The following BMERB1 variants were observed in gnomAD, a reference collection of about 807,000 sequenced individuals.
BMERB1 encodes the protein bMERB domain containing 1, also known as bMERB domain-containing protein 1.
Under a neutral mutation model 23.6 loss-of-function variants are expected in BMERB1, and 12 were observed. The observed-to-expected ratio is 0.51, with a 90% CI of 0.33 to 0.82. BMERB1 has a LOEUF of 0.82. Among genes scored for constraint, BMERB1 ranks in the 40% least tolerant of loss-of-function variants. The probability of loss-of-function intolerance (pLI) is 0.03; values close to 1 mark genes in which losing one functional copy is unlikely to be tolerated. For synonymous variants in BMERB1, 122 were observed against 96.6 expected (o/e 1.26, Z -1.54); for missense variants, 247 against 255.4 (o/e 0.97, Z 0.22).
chr16:15,498,453 G>A (rs1202774248), intron 1 of BMERB1, among the ~76,000 whole-genome samples: 1 of 152,066 alleles, frequency 6.6e-6, no homozygotes, highest in East Asian at 1.9e-4. Context: ...GAGCCCAGAA[G>A]CTTGAGGATG....
intron 1 of BMERB1, among the ~76,000 whole-genome samples, chr16:15,471,995 G>C (rs1175033846): frequency 1.3e-5 from 2 of 152,110 alleles, no homozygotes; most frequent in African/African-American, 2.4e-5. Flanking sequence ...TTTAAGTTTT[G>C]TTTTAGAATT....
At chr16:15,486,024 C>G (rs2051365487) in intron 1 of BMERB1, among the ~76,000 whole-genome samples, 1 of 151,934 alleles carries the variant, frequency 6.6e-6, no homozygotes, top group Admixed American at 6.6e-5. Context: ...GGTGGATCAC[C>G]TGAGGTCAGG....
chr16:15,439,370 A>G lies in BMERB1; in HGVS notation c.106+4611A>G, dbSNP rs573217274. Among the ~76,000 whole-genome samples the G allele has an allele frequency of 3.5e-3, 539 of 152,238 alleles. 4 individuals carry two copies. Among genetic ancestry groups the G allele is most frequent in the African/African-American group, 0.012 (510 of 41,554 alleles). On this transcript the variant is annotated intron_variant, in intron 1 of 5. Transcript: ENST00000300006. ...TGGAAGATTAGATGAGATAATGTATATAATGCATTTAGCACAGGGCCTCAC... is the reference window on the plus strand; with the variant it reads ...TGGAAGATTAGATGAGATAATGTATGTAATGCATTTAGCACAGGGCCTCAC...
At chr16:15,535,923 A>G (rs1177113803) in intron 2 of BMERB1, among the ~76,000 whole-genome samples, 1 of 152,092 alleles carries the variant, frequency 6.6e-6, no homozygotes, top group Non-Finnish European at 1.5e-5. Flanking sequence ...AATGCCAGAC[A>G]CTTATAAAGC....
chr16:15,498,395 A>T (rs1486053565), intron 1 of BMERB1, among the ~76,000 whole-genome samples: 2 of 152,036 alleles, frequency 1.3e-5, no homozygotes, highest in Non-Finnish European at 2.9e-5. Context: ...GTGATGGTGC[A>T]CACCTGTAGT....
intron 3 of BMERB1, among the ~76,000 whole-genome samples, chr16:15,568,926 C>T (rs548870249): frequency 2.6e-5 from 4 of 152,106 alleles, no homozygotes; most frequent in Admixed American, 1.3e-4. Flanking sequence ...TATCAAAATG[C>T]TAGTCCCAGG....
chr16:15,533,641 A>C (rs180886513), intron 2 of BMERB1, among the ~76,000 whole-genome samples: 12 of 152,250 alleles, frequency 7.9e-5, no homozygotes, highest in Admixed American at 3.3e-4. Context: ...TGGGATGCAG[A>C]GAGATTAGCC....
At chr16:15,528,475 G>C (rs2051931045) in intron 2 of BMERB1, among the ~76,000 whole-genome samples, 1 of 152,126 alleles carries the variant, frequency 6.6e-6, no homozygotes. Context: ...GAATTTGTTA[G>C]CATGATAAAG....
At chr16:15,445,962 A>G (rs1011347277) in intron 1 of BMERB1, among the ~76,000 whole-genome samples, 4 of 152,236 alleles carry the variant, frequency 2.6e-5, no homozygotes, top group Non-Finnish European at 5.9e-5. Context: ...TCACAAAATC[A>G]TCATGCTGAG....
chr16:15,525,382 A>G (rs1232510417), intron 2 of BMERB1, among the ~76,000 whole-genome samples: 1 of 152,054 alleles, frequency 6.6e-6, no homozygotes, highest in Non-Finnish European at 1.5e-5. Context: ...TTGGCCTCCA[A>G]AATCCCATGA....
At chr16:15,477,730 T>C (rs2051286046) in intron 1 of BMERB1, among the ~76,000 whole-genome samples, 1 of 151,940 alleles carries the variant, frequency 6.6e-6, no homozygotes, top group South Asian at 2.1e-4. Context: ...TTTTCTGTGC[T>C]TGGTAGTGGT....
intron 3 of BMERB1, among the ~76,000 whole-genome samples, chr16:15,572,195 T>C (rs754269084): frequency 6.6e-6 from 1 of 152,192 alleles, no homozygotes; most frequent in African/African-American, 2.4e-5. Flanking sequence ...TTAATTTCTC[T>C]GAGCCTTGAA....
At chr16:15,579,744 T>C (rs1287978296) in intron 3 of BMERB1, among the ~76,000 whole-genome samples, 1 of 152,150 alleles carries the variant, frequency 6.6e-6, no homozygotes, top group African/African-American at 2.4e-5. Flanking sequence ...GATTTTCTTC[T>C]GATAAATTGG....
intron 2 of BMERB1, among the ~76,000 whole-genome samples, chr16:15,562,005 T>C (rs566298232): frequency 6.6e-6 from 1 of 152,128 alleles, no homozygotes; most frequent in Admixed American, 6.5e-5. Context: ...GTACTGCCAT[T>C]ATTCCTATTT....
intron 4 of BMERB1, among the ~76,000 whole-genome samples, chr16:15,582,123 T>C (rs998590639): frequency 6.6e-6 from 1 of 152,206 alleles, no homozygotes; most frequent in African/African-American, 2.4e-5. Flanking sequence ...TATGGTCGGG[T>C]ACAGTGGCTG....
At position 15,567,843 on chromosome 16, in the gene BMERB1, G is replaced by A. The variant is rs2150972057; in HGVS notation, c.231-140G>A. 6.0e-6 allele frequency: 4 copies of A among 669,434 alleles called. No individual in the cohort carries two copies. In the South Asian group the frequency reaches 8.6e-5, roughly 14 times the overall value. The allele number at this position is 669,434 out of a possible 1,614,324, so 41.5% of individuals were successfully genotyped here. Reference sequence around the variant, plus strand: ...CAGTGTTTGGCTTTTTCCTTTTGAGGGAAAACCTCTACAATGAGCATGTAT... The same window carrying A: ...CAGTGTTTGGCTTTTTCCTTTTGAGAGAAAACCTCTACAATGAGCATGTAT... On this transcript the variant is annotated intron_variant, in intron 2 of 5. Transcript: ENST00000300006.
At chr16:15,584,265 G>A (rs909221860) in intron 5 of BMERB1, 32 of 494,458 alleles carry the variant, frequency 6.5e-5, no homozygotes, top group Non-Finnish European at 7.5e-5. Context: ...TCAGTTAGAA[G>A]AAATGGATGC....
chr16:15,510,616 A>G (rs1320003493), intron 1 of BMERB1, among the ~76,000 whole-genome samples: 1 of 152,150 alleles, frequency 6.6e-6, no homozygotes, highest in Admixed American at 6.5e-5. Context: ...GGAGGGGCAG[A>G]ACTGGAACTC....
intron 4 of BMERB1, among the ~76,000 whole-genome samples, chr16:15,582,713 G>C (rs767467295): frequency 6.6e-6 from 1 of 152,182 alleles, no homozygotes; most frequent in Non-Finnish European, 1.5e-5. Flanking sequence ...GAAAGACCGT[G>C]TCTCTTCAAG....
Sources: allele counts gnomAD v4.1 joint callset (sites outside exome capture counted in the v4.1 genomes callset), GRCh38; gene constraint gnomAD v4.1.1; transcripts MANE v1.5; gene names NCBI Gene and HGNC (gene_info 2026-07-23, HGNC 2026-07-21).